TNFRSF19: variants seen among roughly 807,000 people sequenced by gnomAD.
TNFRSF19 encodes the protein TNF receptor superfamily member 19.
TNFRSF19 carries 27 observed loss-of-function variants against 46.4 expected under a neutral mutation model. The observed-to-expected ratio is 0.58, with a 90% CI of 0.43 to 0.80. The LOEUF is 0.80. Ranked by LOEUF, TNFRSF19 falls within the 30% of genes least tolerant of loss-of-function variation. The pLI is 0.00. For synonymous variants in TNFRSF19, 204 were observed against 205.0 expected, an observed-to-expected ratio of 1.00 and a Z score of 0.04; for missense variants, 511 against 530.8, an observed-to-expected ratio of 0.96 and a Z score of 0.37.
chr13:23,616,155 A>G (rs760990220), intron 4 of TNFRSF19, 110 bp downstream of exon 4: 3 of 1,141,994 alleles, frequency 2.6e-6, no homozygotes, highest in South Asian at 3.5e-5. Context: ...TAACCTGAAG[A>G]TGCTGGTGGA....
In TNFRSF19 at chr13:23,596,464, G is replaced by T. The variant is rs1353807842; in HGVS notation, c.180+3009G>T. ...GTTGCAATCCTAGTCTCTGATAAAA[G>T]ACTTTAAAGCAACAAAGATTGCAAA... On this transcript the variant is annotated intron_variant, in intron 3 of 9. Coordinates refer to ENST00000248484, the MANE Select transcript of TNFRSF19 (RefSeq NM_148957.4). Among the ~76,000 whole-genome samples the T allele has an allele frequency of 2.6e-5, 4 of 152,104 alleles. No individual in the cohort carries two copies. In the East Asian group the frequency reaches 7.7e-4, roughly 29 times the overall value.
At chr13:23,663,148 T>C (rs1157761700) in intron 7 of TNFRSF19, among the ~76,000 whole-genome samples, 1 of 152,196 alleles carries the variant, frequency 6.6e-6, no homozygotes, top group Non-Finnish European at 1.5e-5. Flanking sequence ...ATGTTGGCTG[T>C]GGGTTTGTCA....
At chr13:23,611,359 T>C (rs1344221796) in intron 3 of TNFRSF19, among the ~76,000 whole-genome samples, 1 of 152,044 alleles carries the variant, frequency 6.6e-6, no homozygotes, top group Non-Finnish European at 1.5e-5. Context: ...GTTTGGTGGA[T>C]GGAAAATCAT....
At chr13:23,598,789 G>A (rs544577450) in intron 3 of TNFRSF19, among the ~76,000 whole-genome samples, 1 of 152,304 alleles carries the variant, frequency 6.6e-6, no homozygotes, top group South Asian at 2.1e-4. Context: ...TTTTGAAGAT[G>A]TTACTAGTTG....
chr13:23,575,698 CAA>C (rs1190043972), intron 1 of TNFRSF19, among the ~76,000 whole-genome samples: 1 of 152,154 alleles, frequency 6.6e-6, no homozygotes, highest in East Asian at 1.9e-4. Flanking sequence ...AACTGTAAAC[CAA>C]AGAGACAAAA....
At chr13:23,613,952 C>G (rs1286573814) in intron 3 of TNFRSF19, among the ~76,000 whole-genome samples, 1 of 152,044 alleles carries the variant, frequency 6.6e-6, no homozygotes, top group African/African-American at 2.4e-5. Context: ...ATGCTTTTTG[C>G]AAAAATTACA....
At chr13:23,672,461 C>A (rs1267361610) in intron 9 of TNFRSF19, among the ~76,000 whole-genome samples, 1 of 152,156 alleles carries the variant, frequency 6.6e-6, no homozygotes, top group Non-Finnish European at 1.5e-5. Context: ...GTGTTTCAAT[C>A]TATTGAAATG....
intron 5 of TNFRSF19, among the ~76,000 whole-genome samples, chr13:23,643,445 T>C (rs1049940392): frequency 2.2e-4 from 33 of 152,240 alleles, no homozygotes; most frequent in African/African-American, 8.0e-4. Flanking sequence ...TTTGAATGCC[T>C]TGTAAAAGAG....
In TNFRSF19 at chr13:23,595,119, G is replaced by A. The variant is rs1025458417; in HGVS notation, c.180+1664G>A. ...CCATCCAAAGGTCACCAGCATCAAAGACTAAAGGTAGATAAATCCACAAAG... is the reference window on the plus strand; with the variant it reads ...CCATCCAAAGGTCACCAGCATCAAAAACTAAAGGTAGATAAATCCACAAAG... On this transcript the variant is annotated intron_variant, in intron 3 of 9. Coordinates refer to ENST00000248484, the MANE Select transcript of TNFRSF19 (RefSeq NM_148957.4). 3.9e-5 allele frequency among the ~76,000 whole-genome samples: 6 copies of A among 152,206 alleles called. 1 individual carries two copies. Among genetic ancestry groups the A allele is most frequent in the African/African-American group, 1.4e-4 (6 of 41,450 alleles).
intron 7 of TNFRSF19, 59 bp from the exon 8 acceptor site, chr13:23,667,921 T>C (rs1951674687): frequency 1.4e-6 from 2 of 1,427,858 alleles, no homozygotes; most frequent in Admixed American, 2.4e-5. Context: ...TGAAGTGTTA[T>C]TAAAGTGAAA....
chr13:23,599,893 AG>A (rs1039182785), intron 3 of TNFRSF19, among the ~76,000 whole-genome samples: 1 of 147,254 alleles, frequency 6.8e-6, no homozygotes, highest in Admixed American at 6.8e-5. Flanking sequence ...CTTGGCCAAG[AG>A]GGGGGGTCCA....
chr13:23,626,576 A>G, intron 4 of TNFRSF19, 131 bp from the exon 5 acceptor site: 2 of 763,710 alleles, frequency 2.6e-6, no homozygotes, highest in Non-Finnish European at 4.2e-6. Flanking sequence ...GTGTCTACCT[A>G]AGATACTATT....
At chr13:23,630,523 A>G (rs79365557) in intron 5 of TNFRSF19, among the ~76,000 whole-genome samples, 7,369 of 152,090 alleles carry the variant, frequency 0.048, 332 homozygotes, top group African/African-American at 0.12. Flanking sequence ...TCTGGGCACT[A>G]ATGGCATTAA....
intron 1 of TNFRSF19, among the ~76,000 whole-genome samples, chr13:23,584,168 C>A (rs374738254): frequency 1.6e-4 from 25 of 151,834 alleles, no homozygotes; most frequent in Non-Finnish European, 3.4e-4. Context: ...TTTTGGTGCA[C>A]CCATCCCCTG....
At chr13:23,648,068 C>T (rs1883432089) in intron 5 of TNFRSF19, among the ~76,000 whole-genome samples, 1 of 151,946 alleles carries the variant, frequency 6.6e-6, no homozygotes, top group South Asian at 2.1e-4. Context: ...TTGACTATTT[C>T]AGGGTTCCTT....
At chr13:23,581,907 A>G (rs1034539891) in intron 1 of TNFRSF19, among the ~76,000 whole-genome samples, 2 of 152,354 alleles carry the variant, frequency 1.3e-5, no homozygotes, top group East Asian at 3.9e-4. Flanking sequence ...AAAATCAAGC[A>G]TTAAAAAGTC....
intron 3 of TNFRSF19, among the ~76,000 whole-genome samples, chr13:23,606,693 T>C (rs984519955): frequency 5.9e-5 from 9 of 152,234 alleles, no homozygotes; most frequent in Non-Finnish European, 7.3e-5. Context: ...TCTTTTTTCT[T>C]AGTTTTAGCT....
chr13:23,657,881 A>C (rs1223124684), intron 5 of TNFRSF19, among the ~76,000 whole-genome samples: 1 of 152,100 alleles, frequency 6.6e-6, no homozygotes, highest in Non-Finnish European at 1.5e-5. Flanking sequence ...TGTGGTTCCT[A>C]GACAACCTGA....
intron 5 of TNFRSF19, among the ~76,000 whole-genome samples, chr13:23,655,271 A>G (rs572264889): frequency 6.6e-6 from 1 of 152,198 alleles, no homozygotes; most frequent in African/African-American, 2.4e-5. Context: ...TCCTAAGGAG[A>G]TGCATAATAT....
Sources: gnomAD v4.1 joint callset for allele counts (sites outside exome capture counted in the v4.1 genomes callset) on GRCh38, gnomAD v4.1.1 for gene constraint, MANE v1.5 for transcripts, NCBI Gene and HGNC (gene_info 2026-07-23, HGNC 2026-07-21) for gene names.